NEDD4L: variants seen among roughly 807,000 people sequenced by gnomAD.
NEDD4L encodes NEDD4 like E3 ubiquitin protein ligase, also known as E3 ubiquitin-protein ligase NEDD4-like.
In NEDD4L, 54 loss-of-function variants were observed where a neutral mutation model predicts 148.9. The observed-to-expected ratio is 0.36, with a 90% confidence interval of 0.29 to 0.45. The LOEUF (loss-of-function observed/expected upper bound fraction) is 0.45, where lower values mean the gene tolerates loss of function less well. Ranked by LOEUF, NEDD4L falls within the 20% of genes least tolerant of loss-of-function variation. The probability of loss-of-function intolerance (pLI) is 1.00; values close to 1 mark genes in which losing one functional copy is unlikely to be tolerated. For missense variants in NEDD4L, 856 were observed against 1,233.8 expected, an observed-to-expected ratio of 0.69 and a Z score of 4.59; for synonymous variants, 433 against 440.7, an observed-to-expected ratio of 0.98 and a Z score of 0.22.
At chr18:58,182,832 T>A (rs565713923) in intron 2 of NEDD4L, among the ~76,000 whole-genome samples, 2 of 152,368 alleles carry the variant, frequency 1.3e-5, no homozygotes, top group Non-Finnish European at 2.9e-5. Context: ...CTATGCACTA[T>A]GCAGGGAGGT....
chr18:58,209,743 G>A (rs907559943), intron 2 of NEDD4L, among the ~76,000 whole-genome samples: 14 of 151,908 alleles, frequency 9.2e-5, no homozygotes, highest in African/African-American at 2.9e-4. Flanking sequence ...TAGGAGGGAG[G>A]AATTAGGAGA....
At position 58,165,791 on chromosome 18, in the gene NEDD4L, G is replaced by A. The variant is rs1321972184; in HGVS notation, c.52G>A (p.Glu18Lys). 6.2e-7 allele frequency: 1 copy of A among 1,610,050 alleles called. No individual in the cohort carries two copies. The highest frequency in any genetic ancestry group is 8.5e-7 in the Non-Finnish European group (1 of 1,177,922). The change falls in exon 2 of 31, where the codon GAG becomes AAG. Residue 18 changes from glutamate (E) to lysine (K), a missense_variant. Glu to Lys is a moderately conservative substitution (Grantham distance 56). This residue lies in a region of NEDD4L where 193 missense variants were observed against 244.2 expected (regional missense o/e 0.79). Coordinates refer to ENST00000400345, the MANE Select transcript of NEDD4L (RefSeq NM_001144967.3). Reference protein sequence around the residue: ...PVYGLSEDEGESRILRVKVVS... With the variant: ...PVYGLSEDEGKSRILRVKVVS... ...TTTTTTGTTCTCCTTCTCACAGGGA[G>A]AGTCCCGTATTCTCAGAGTAAAAGT...
intron 1 of NEDD4L, among the ~76,000 whole-genome samples, chr18:58,064,287 A>G (rs923522600): frequency 1.3e-5 from 2 of 152,190 alleles, no homozygotes; most frequent in African/African-American, 4.8e-5. Context: ...AATACATCCA[A>G]ACATAAAAAG....
At chr18:58,289,950 T>C (rs887641845) in intron 5 of NEDD4L, among the ~76,000 whole-genome samples, 1 of 152,272 alleles carries the variant, frequency 6.6e-6, no homozygotes, top group Non-Finnish European at 1.5e-5. Context: ...GTAAATTGAC[T>C]TTCAGAGACT....
intron 2 of NEDD4L, among the ~76,000 whole-genome samples, chr18:58,192,893 G>C (rs775632504): frequency 5.9e-5 from 9 of 152,218 alleles, no homozygotes; most frequent in African/African-American, 9.6e-5. Flanking sequence ...ATCCTTTAAT[G>C]TATAGACTTG....
intron 14 of NEDD4L, among the ~76,000 whole-genome samples, chr18:58,341,465 A>G (rs550292478): frequency 2.0e-5 from 3 of 152,200 alleles, no homozygotes; most frequent in Non-Finnish European, 2.9e-5. Flanking sequence ...ATCCGAGGCT[A>G]GTTTTTATGC....
rs555191072 is a variant in NEDD4L at position 58,119,745 on chromosome 18, A to G, written c.49-46043A>G. Among the ~76,000 whole-genome samples, 20 of 152,296 alleles carry G rather than the reference A, an allele frequency of 1.3e-4. No individual in the cohort carries two copies. In the South Asian group the frequency reaches 4.1e-3, roughly 32 times the overall value. On this transcript the variant is annotated intron_variant, in intron 1 of 30. Transcript: ENST00000400345. ...CAGTGGTTTTCAATTTTGGCTGCACATCAGAATCACCTGGGGGAGGTTTAA... is the reference window on the plus strand; with the variant it reads ...CAGTGGTTTTCAATTTTGGCTGCACGTCAGAATCACCTGGGGGAGGTTTAA...
intron 1 of NEDD4L, chr18:58,149,280 G>C: frequency 3.9e-6 from 3 of 769,858 alleles, no homozygotes; most frequent in Non-Finnish European, 5.3e-6. Flanking sequence ...TTGGTGTCCA[G>C]GTGGCAGGTT....
intron 1 of NEDD4L, among the ~76,000 whole-genome samples, chr18:58,096,976 A>C (rs946761270): frequency 6.6e-6 from 1 of 152,034 alleles, no homozygotes; most frequent in East Asian, 1.9e-4. Context: ...TTCTCTTTCT[A>C]TTTTGCATTA....
chr18:58,223,205 C>G (rs2043965452), intron 2 of NEDD4L, among the ~76,000 whole-genome samples: 1 of 151,930 alleles, frequency 6.6e-6, no homozygotes, highest in South Asian at 2.1e-4. Flanking sequence ...ATGCCTTAAC[C>G]TTTTTCATTC....
intron 23 of NEDD4L, among the ~76,000 whole-genome samples, chr18:58,370,816 A>G (rs2046764189): frequency 6.6e-6 from 1 of 152,184 alleles, no homozygotes; most frequent in African/African-American, 2.4e-5. Flanking sequence ...TTAGAGCTTC[A>G]TCCGCTCTCC....
intron 1 of NEDD4L, among the ~76,000 whole-genome samples, chr18:58,100,950 C>T (rs967444653): frequency 9.9e-5 from 15 of 152,042 alleles, no homozygotes; most frequent in African/African-American, 2.7e-4. Context: ...GGATGACAGG[C>T]GCACACCACC....
At chr18:58,119,275 C>T (rs1222556960) in intron 1 of NEDD4L, among the ~76,000 whole-genome samples, 1 of 152,086 alleles carries the variant, frequency 6.6e-6, no homozygotes, top group Non-Finnish European at 1.5e-5. Context: ...AGTCCAGTTG[C>T]CTGCTCACTT....
intron 1 of NEDD4L, among the ~76,000 whole-genome samples, chr18:58,134,146 G>A (rs954841092): frequency 3.9e-5 from 6 of 151,998 alleles, no homozygotes; most frequent in Non-Finnish European, 8.8e-5. Flanking sequence ...GACTACAGGC[G>A]CGTGCCACAA....
chr18:58,074,763 G>A (rs1458963641), intron 1 of NEDD4L, among the ~76,000 whole-genome samples: 1 of 152,172 alleles, frequency 6.6e-6, no homozygotes, highest in Non-Finnish European at 1.5e-5. Context: ...TGGTGGTTGA[G>A]GGATACGACT....
At chr18:58,225,933 G>A (rs1380253340) in intron 2 of NEDD4L, among the ~76,000 whole-genome samples, 2 of 152,108 alleles carry the variant, frequency 1.3e-5, no homozygotes, top group Admixed American at 6.5e-5. Flanking sequence ...CTTCTGCCAT[G>A]GTATCTCCTA....
At chr18:58,347,476 T>G (rs917590018) in intron 16 of NEDD4L, among the ~76,000 whole-genome samples, 1 of 152,128 alleles carries the variant, frequency 6.6e-6, no homozygotes, top group Non-Finnish European at 1.5e-5. Flanking sequence ...TTTGAGAAAT[T>G]CAGTGCTTTC....
intron 13 of NEDD4L, among the ~76,000 whole-genome samples, chr18:58,336,337 G>A (rs1396123679): frequency 6.6e-6 from 1 of 152,138 alleles, no homozygotes; most frequent in African/African-American, 2.4e-5. Context: ...CAGCACCTTG[G>A]GAGGCTGAGG....
At chr18:58,213,817 C>T (rs112022715) in intron 2 of NEDD4L, among the ~76,000 whole-genome samples, 5 of 151,778 alleles carry the variant, frequency 3.3e-5, no homozygotes, top group Admixed American at 2.0e-4. Context: ...TTAGATTTTA[C>T]GAGCATATTA....
Sources: allele counts gnomAD v4.1 joint callset (sites outside exome capture counted in the v4.1 genomes callset), GRCh38; gene constraint gnomAD v4.1.1; regional missense constraint gnomAD v4.1.1; transcripts MANE v1.5; gene names NCBI Gene and HGNC (gene_info 2026-07-23, HGNC 2026-07-21).